PREX1: variants seen among roughly 807,000 people sequenced by gnomAD.
PREX1 encodes the protein phosphatidylinositol 3,4,5-trisphosphate-dependent Rac exchanger 1 protein.
Under a neutral mutation model 198.3 loss-of-function variants are expected in PREX1, and 41 were observed. That is an observed-to-expected ratio of 0.21 (90% CI 0.16 to 0.27). PREX1 has a LOEUF of 0.27. Ranked by LOEUF, PREX1 falls within the 10% of genes least tolerant of loss-of-function variation. The probability of loss-of-function intolerance (pLI) is 1.00; values close to 1 mark genes in which losing one functional copy is unlikely to be tolerated. For missense variants in PREX1, 1,620 were observed against 2,200.7 expected (o/e 0.74, Z 5.28); for synonymous variants, 843 against 887.2 (o/e 0.95, Z 0.89).
the PREX1 span, among the ~76,000 whole-genome samples, chr20:48,874,099 C>A: frequency 6.6e-6 from 1 of 152,152 alleles, no homozygotes; most frequent in African/African-American, 2.4e-5. Flanking sequence ...TTGTACCTGA[C>A]AATTATAAGC....
rs2089826022 is a variant in PREX1 at position 48,692,763 on chromosome 20, C to T, written c.945G>A (p.Lys315=). 6.2e-7 allele frequency: 1 copy of T among 1,613,978 alleles called. No individual in the cohort carries two copies. Among genetic ancestry groups the T allele is most frequent in the South Asian group, 1.1e-5 (1 of 91,070 alleles). The part of the protein sequence containing the change: ...SRVTGSKKST[K]RTKSINGSLY... ...GGGAGCCGTTGATGGATTTGGTCCT[C>T]TTGGTGGACTTCTTGCTCCCGGTGA... The change falls in exon 8 of 40, where the codon AAG becomes AAA. Residue 315 remains lysine, a synonymous_variant. Coordinates refer to ENST00000371941, the MANE Select transcript of PREX1 (RefSeq NM_020820.4).
At chr20:48,837,242 C>T in the PREX1 span, among the ~76,000 whole-genome samples, 2 of 152,170 alleles carry the variant, frequency 1.3e-5, no homozygotes, top group African/African-American at 2.4e-5. Flanking sequence ...ATTAGTTTAA[C>T]CACTGTGGGA....
chr20:48,655,536 G>C (rs2089536342), intron 18 of PREX1, among the ~76,000 whole-genome samples, 161 bp from the exon 19 acceptor site: 1 of 152,208 alleles, frequency 6.6e-6, no homozygotes. Context: ...CCCAAATACA[G>C]AGAGAAATGT....
chr20:48,739,811 T>C (rs923691561), intron 3 of PREX1, among the ~76,000 whole-genome samples: 7 of 152,336 alleles, frequency 4.6e-5, no homozygotes, highest in African/African-American at 1.7e-4. Flanking sequence ...TTCCTAGCTC[T>C]GTAAGCTTGC....
chr20:48,811,859 T>A (rs1417873569), intron 1 of PREX1, among the ~76,000 whole-genome samples: 1 of 152,230 alleles, frequency 6.6e-6, no homozygotes, highest in Non-Finnish European at 1.5e-5. Context: ...TCCCTCTCTG[T>A]CCTCCAAGGA....
intron 26 of PREX1, among the ~76,000 whole-genome samples, chr20:48,645,083 G>A (rs552865753): frequency 4.6e-5 from 7 of 152,346 alleles, no homozygotes; most frequent in South Asian, 2.1e-4. Flanking sequence ...ACAAAGTGCC[G>A]CAGCAGCCAG....
chr20:48,807,624 G>T lies in PREX1; in HGVS notation c.219+20018C>A, dbSNP rs2090417617. Among the ~76,000 whole-genome samples the T allele has an allele frequency of 6.6e-5, 10 of 152,024 alleles. No individual in the cohort carries two copies. The South Asian group carries it at 2.1e-3, about 32-fold the overall frequency. On this transcript the variant is annotated intron_variant, in intron 1 of 39. Transcript: ENST00000371941. ...AGTTCCTAAAGGAACTGAATCAAAG[G>T]GTATCGTGGGTTTTTATTTTTAAAG...
chr20:48,643,094 C>T (rs930892100), intron 27 of PREX1, among the ~76,000 whole-genome samples: 5 of 152,166 alleles, frequency 3.3e-5, no homozygotes, highest in Non-Finnish European at 4.4e-5. Context: ...ATGCACCCTC[C>T]GGGGCCTTCT....
intron 6 of PREX1, among the ~76,000 whole-genome samples, chr20:48,702,225 G>T (rs1050783641): frequency 2.4e-5 from 3 of 126,864 alleles, no homozygotes; most frequent in East Asian, 4.4e-4. Flanking sequence ...AAAAAAAAAA[G>T]ATAAAGAGGC....
chr20:48,700,976 A>G, intron 6 of PREX1, 90 bp from the exon 7 acceptor site: 1 of 1,558,798 alleles, frequency 6.4e-7, no homozygotes, highest in Non-Finnish European at 8.8e-7. Context: ...ACCTCCTGCC[A>G]CATGCCAAAA....
intron 1 of PREX1, among the ~76,000 whole-genome samples, chr20:48,767,686 A>G (rs1218749290): frequency 6.6e-6 from 1 of 152,116 alleles, no homozygotes; most frequent in African/African-American, 2.4e-5. Context: ...ACATTTCCCC[A>G]GAGTCGTGTG....
Position 48,666,456 on chromosome 20 carries a change from G to C in PREX1, c.1666-101C>G, listed in dbSNP as rs769276988. ...AACCACCCAAGAAGGTAGGCTCCAC[G>C]AGGGCCAGGGGTTGTCTGTTTTGTT... On this transcript the variant is annotated intron_variant, in intron 14 of 39. Coordinates refer to ENST00000371941, the MANE Select transcript of PREX1 (RefSeq NM_020820.4). This position sits in a 1 kb window ranked among gnomAD's most constrained non-coding sequence, Gnocchi z 4.3. 1.3e-5 allele frequency: 12 copies of C among 953,724 alleles called. No homozygotes were observed. The highest frequency in any genetic ancestry group is 1.6e-5 in the African/African-American group (1 of 61,504). 59.1% of individuals were successfully genotyped at this position (953,724 alleles called of 1,614,324 possible). A position where few individuals can be genotyped will look rare whatever the true frequency, so the allele number is the denominator to read the frequency against.
chr20:48,726,250 CAA>C (rs2090009459), intron 5 of PREX1, 38 bp downstream of exon 5: 1 of 1,538,854 alleles, frequency 6.5e-7, no homozygotes. Context: ...ATGCTGAAGC[CAA>C]AGAGTTTTCT....
At chr20:48,823,710 G>A (rs976003228) in intron 1 of PREX1, among the ~76,000 whole-genome samples, 1 of 152,194 alleles carries the variant, frequency 6.6e-6, no homozygotes. Context: ...CGCAGGCGGA[G>A]GTGAAACATC....
intron 1 of PREX1, among the ~76,000 whole-genome samples, chr20:48,820,871 G>C (rs1006193077): frequency 1.3e-5 from 2 of 152,214 alleles, no homozygotes; most frequent in Admixed American, 1.3e-4. Context: ...CCAGACCAAC[G>C]CTAGGGCCAG....
intron 9 of PREX1, among the ~76,000 whole-genome samples, chr20:48,689,301 A>G (rs1005851645): frequency 1.3e-5 from 2 of 152,210 alleles, no homozygotes; most frequent in African/African-American, 4.8e-5. Flanking sequence ...AATTTTGACA[A>G]CAGCAAATGC....
At chr20:48,882,411 A>G in the PREX1 span, among the ~76,000 whole-genome samples, 30 of 145,332 alleles carry the variant, frequency 2.1e-4, no homozygotes, top group East Asian at 5.9e-3. Flanking sequence ...TTGAGGCAGG[A>G]GAATGGCGTG....
At chr20:48,817,001 C>A (rs567849041) in intron 1 of PREX1, among the ~76,000 whole-genome samples, 1 of 152,200 alleles carries the variant, frequency 6.6e-6, no homozygotes, top group Non-Finnish European at 1.5e-5. Flanking sequence ...AGTGACCTCA[C>A]CCTCTCTGGG....
chr20:48,745,498 A>G (rs1483560935), intron 2 of PREX1, among the ~76,000 whole-genome samples: 1 of 152,232 alleles, frequency 6.6e-6, no homozygotes, highest in African/African-American at 2.4e-5. Flanking sequence ...AAGTCTTGCA[A>G]GCAGCTCCAC....
Sources: gnomAD v4.1 joint callset for allele counts (sites outside exome capture counted in the v4.1 genomes callset) on GRCh38, gnomAD v4.1.1 for gene constraint, Gnocchi (gnomAD v3.1) non-coding constraint, MANE v1.5 for transcripts, NCBI Gene and HGNC (gene_info 2026-07-23, HGNC 2026-07-21) for gene names.